Variants in C1QL2 observed in about 807,000 individuals in gnomAD.
The protein encoded by C1QL2 is complement C1q like 2.
In C1QL2, 13 loss-of-function variants were observed where a neutral mutation model predicts 16.6. The ratio of observed to expected loss-of-function variants is 0.78; its 90% CI spans 0.51 to 1.25. C1QL2 has a LOEUF of 1.25. Among genes scored for constraint, C1QL2 ranks in the 50% most tolerant of loss-of-function variants. The probability of loss-of-function intolerance (pLI) is 0.00; values close to 1 mark genes in which losing one functional copy is unlikely to be tolerated. For missense variants in C1QL2, 396 were observed against 409.6 expected (o/e 0.97, Z 0.29); for synonymous variants, 210 against 183.2 (o/e 1.15, Z -1.18).
rs760898156 is a variant in C1QL2, at chr2:119,158,286, A to G, written c.-17T>C. On this transcript the variant is annotated 5_prime_UTR_variant, in exon 1 of 2. Transcript: ENST00000272520. ...GAGCGCCATGGCCAAGAGTACGCCG[A>G]CGGCCGCCAGGCAGGCACGCCGCCG... 2.6e-5 allele frequency: 36 copies of G among 1,400,050 alleles called. No individual in the cohort carries two copies. The South Asian group carries it at 5.7e-4, about 22-fold the overall frequency. 86.7% of individuals were successfully genotyped at this position (1,400,050 alleles called of 1,614,324 possible).
rs1043716826 is a variant in C1QL2, at chr2:119,156,802, C to T, written c.864G>A (p.Ter288=). The T allele has an allele frequency of 4.3e-6, 7 of 1,613,096 alleles. No individual in the cohort carries two copies. The highest frequency in any genetic ancestry group is 5.9e-6 in the Non-Finnish European group (7 of 1,179,468). ...TFSGFLLYPD[*] ...ACCCCGCCTCGCACCCCCCGCGCCCCTAATCCGGGTACAGAAGAAAGCCCG... is the reference window on the plus strand; with the variant it reads ...ACCCCGCCTCGCACCCCCCGCGCCCTTAATCCGGGTACAGAAGAAAGCCCG... The change falls in exon 2 of 2, where the codon TAG becomes TAA. Residue 288 remains the stop codon, a stop_retained_variant. Coordinates refer to ENST00000272520, the MANE Select transcript of C1QL2 (RefSeq NM_182528.4).
chr2:119,156,940 G>A lies in C1QL2; in HGVS notation c.726C>T (p.Tyr242=). 1 of 1,614,050 alleles carries A rather than the reference G, an allele frequency of 6.2e-7. No individual in the cohort carries two copies. The highest frequency in any genetic ancestry group is 8.5e-7 in the Non-Finnish European group (1 of 1,179,936). Residue 242 remains tyrosine, a synonymous_variant, in exon 2 of 2, where the codon TAC becomes TAT. Coordinates refer to ENST00000272520, the MANE Select transcript of C1QL2 (RefSeq NM_182528.4). ...SAIAQDADQN[Y]DYASNSVVLH... is the part of the protein sequence containing the mutation. ...GCACCACGCTGTTACTGGCGTAGTC[G>A]TAGTTCTGGTCGGCGTCCTGTGCAA...
rs1349163984 is a variant in C1QL2 at position 119,156,895 on chromosome 2, G to T, written c.771C>A (p.Asp257Glu). 1.2e-6 allele frequency: 2 copies of T among 1,613,906 alleles called. No homozygotes were observed. Among genetic ancestry groups the T allele is most frequent in the Non-Finnish European group, 8.5e-7 (1 of 1,179,954 alleles). Reference protein sequence around the residue: ...NSVVLHLDSGDEVYVKLDGGK... With the variant: ...NSVVLHLDSGEEVYVKLDGGK... ...CGCCATCCAGCTTCACATACACTTC[G>T]TCCCCTGAATCCAAGTGCAGCACCA... Residue 257 changes from aspartate (D) to glutamate (E), a missense_variant, in exon 2 of 2, where the codon GAC (aspartate) becomes GAA (glutamate). Physicochemically the swap from Asp to Glu is conservative, Grantham distance 45. Coordinates refer to ENST00000272520, the MANE Select transcript of C1QL2 (RefSeq NM_182528.4).
Position 119,156,980 on chromosome 2 carries a change from A to G in C1QL2, c.686T>C (p.Val229Ala). 1 of 1,613,530 alleles carries G rather than the reference A, an allele frequency of 6.2e-7. No homozygotes were observed. The highest frequency in any genetic ancestry group is 1.3e-5 in the African/African-American group (1 of 75,014). Residue 229 changes from valine to alanine, a missense_variant and splice_region_variant, in exon 2 of 2, where the codon GTC becomes GCC. By Grantham distance (64) the Val-to-Ala change is moderately conservative. Coordinates refer to ENST00000272520, the MANE Select transcript of C1QL2 (RefSeq NM_182528.4). ...MWADLCKNGQ[V>A]RASAIAQDAD... ...GTCCTGTGCAATGGCGCTGGCCCGGACCTGGGGACAAGCGGTGGGAGCAGG... is the reference window on the plus strand; with the variant it reads ...GTCCTGTGCAATGGCGCTGGCCCGGGCCTGGGGACAAGCGGTGGGAGCAGG...
Position 119,157,968 on chromosome 2 carries a change from G to T in C1QL2, c.302C>A (p.Pro101His). The T allele has an allele frequency of 1.3e-6, 2 of 1,521,632 alleles. No homozygotes were observed. The highest frequency in any genetic ancestry group is 1.8e-6 in the Non-Finnish European group (2 of 1,135,342). 94.3% of individuals were successfully genotyped at this position (1,521,632 alleles called of 1,614,324 possible). The change falls in exon 1 of 2, where the codon CCC becomes CAC. Residue 101 changes from proline to histidine, a missense_variant. Coordinates refer to ENST00000272520, the MANE Select transcript of C1QL2 (RefSeq NM_182528.4). ...GCCCTTCTCTCCCGGAGGGCCCCTG[G>T]GTCCAGGCGGGCCCGGCTCTCCAGG... ...GPPGEPGPPG[P>H]RGPPGEKGDS...
At position 119,156,882 on chromosome 2, in the gene C1QL2, T is replaced by G; in HGVS notation, c.784A>C (p.Lys262Gln). ...CCGTGAGCCTTCCCGCCATCCAGCT[T>G]CACATACACTTCGTCCCCTGAATCC... ...HLDSGDEVYV[K>Q]LDGGKAHGGN... Residue 262 changes from lysine to glutamine, a missense_variant, in exon 2 of 2, where the codon AAG becomes CAG. Coordinates refer to ENST00000272520, the MANE Select transcript of C1QL2 (RefSeq NM_182528.4). 1 of 1,614,068 alleles carries G rather than the reference T, an allele frequency of 6.2e-7. No individual in the cohort carries two copies. Among genetic ancestry groups the G allele is most frequent in the Non-Finnish European group, 8.5e-7 (1 of 1,179,934 alleles).
Position 119,156,535 on chromosome 2 carries a change from T to G in C1QL2, c.*267A>C. ...GCCCTGCCTGTCCAGTCTAATCAGGTTTGCAAAGTCTGTGCCGCCGCCTCA... is the reference window on the plus strand; with the variant it reads ...GCCCTGCCTGTCCAGTCTAATCAGGGTTGCAAAGTCTGTGCCGCCGCCTCA... On this transcript the variant is annotated 3_prime_UTR_variant, in exon 2 of 2. Transcript: ENST00000272520. 1 of 400,056 alleles carries G rather than the reference T, an allele frequency of 2.5e-6. No homozygotes were observed. Among genetic ancestry groups the G allele is most frequent in the Non-Finnish European group, 4.5e-6 (1 of 221,158 alleles). 24.8% of individuals were successfully genotyped at this position (400,056 alleles called of 1,614,324 possible).
Position 119,158,126 on chromosome 2 carries a change from C to G in C1QL2, c.144G>C (p.Lys48Asn). The change falls in exon 1 of 2, where the codon AAG becomes AAC. Residue 48 changes from lysine to asparagine, a missense_variant. This residue lies in a region of C1QL2 where 353 missense variants were observed against 334.8 expected (regional missense o/e 1.05). Transcript: ENST00000272520. Reference sequence around the variant, plus strand: ...CGGTGCTGGGTCCGGGTGGCTGCGCCTTTGCACCCGGGGGCTCCCCGCCGG... The same window carrying G: ...CGGTGCTGGGTCCGGGTGGCTGCGCGTTTGCACCCGGGGGCTCCCCGCCGG... ...AAPGGEPPGA[K>N]AQPPGPSTAA... 1 of 1,547,902 alleles carries G rather than the reference C, an allele frequency of 6.5e-7. No individual in the cohort carries two copies. Among genetic ancestry groups the G allele is most frequent in the South Asian group, 1.2e-5 (1 of 83,832 alleles).
rs1248204349 is a variant in C1QL2 at position 119,156,754 on chromosome 2, C to A, written c.*48G>T. 6.3e-7 allele frequency: 1 copy of A among 1,585,774 alleles called. No homozygotes were observed. Among genetic ancestry groups the A allele is most frequent in the South Asian group, 1.1e-5 (1 of 87,296 alleles). On this transcript the variant is annotated 3_prime_UTR_variant, in exon 2 of 2. Transcript: ENST00000272520. ...CCTTTGCCAAGGAGCCGCGCCCGGG[C>A]GGAGACCGGGCGGCCTGCAGCCACC...
chr2:119,157,005 G>A (rs779906613), intron 1 of C1QL2, 24 bp from the exon 2 acceptor site: 6 of 1,610,342 alleles, frequency 3.7e-6, no homozygotes, highest in Non-Finnish European at 4.2e-6. Context: ...GTGGGAGCAG[G>A]TGAGCCGGGG....
Position 119,156,993 on chromosome 2 carries a change from C to A in C1QL2, c.685-12G>T. The A allele has an allele frequency of 1.2e-6, 2 of 1,612,734 alleles. No homozygotes were observed. The highest frequency in any genetic ancestry group is 1.7e-6 in the Non-Finnish European group (2 of 1,179,518). ...GCGCTGGCCCGGACCTGGGGACAAGCGGTGGGAGCAGGTGAGCCGGGGCAC... is the reference window on the plus strand; with the variant it reads ...GCGCTGGCCCGGACCTGGGGACAAGAGGTGGGAGCAGGTGAGCCGGGGCAC... On this transcript the variant is annotated splice_polypyrimidine_tract_variant and intron_variant, in intron 1 of 1. Coordinates refer to ENST00000272520, the MANE Select transcript of C1QL2 (RefSeq NM_182528.4).
At chr2:119,157,220 G>T (rs1034099656) in intron 1 of C1QL2, among the ~76,000 whole-genome samples, 2 of 152,206 alleles carry the variant, frequency 1.3e-5, no homozygotes, top group African/African-American at 4.8e-5. Context: ...ACCCAGAGTG[G>T]AAGGGTGGGA....
At chr2:119,157,152 C>G (rs1481596523) in intron 1 of C1QL2, among the ~76,000 whole-genome samples, 171 bp from the exon 2 acceptor site, 1 of 152,236 alleles carries the variant, frequency 6.6e-6, no homozygotes, top group African/African-American at 2.4e-5. Flanking sequence ...CAGGTCCCCC[C>G]TCCTCCTCGC....
chr2:119,157,544 G>C, intron 1 of C1QL2, 42 bp downstream of exon 1: 1 of 1,486,356 alleles, frequency 6.7e-7, no homozygotes, highest in South Asian at 1.2e-5. Flanking sequence ...TCAGGGCGCG[G>C]GCGAGGGTTT....
rs1278197560 is a variant in C1QL2 at position 119,157,857 on chromosome 2, A to AC, written c.412dup (p.Val138GlyfsTer8). 1 of 1,576,132 alleles carries AC rather than the reference A, an allele frequency of 6.3e-7. No homozygotes were observed. The stretch of plus-strand genomic sequence containing the variant: ...CACTTCACCCTCGGAATCGCCACCT[A>AC]CCCCGGCCCCGCCGCCCACCACCCC... On this transcript the variant is annotated frameshift_variant, in exon 1 of 2. Coordinates refer to ENST00000272520, the MANE Select transcript of C1QL2 (RefSeq NM_182528.4). LOFTEE classifies it high-confidence loss of function.
Position 119,157,569 on chromosome 2 carries a change from G to T in C1QL2, c.684+17C>A. 6.2e-7 allele frequency: 1 copy of T among 1,613,150 alleles called. No individual in the cohort carries two copies. The highest frequency in any genetic ancestry group is 8.5e-7 in the Non-Finnish European group (1 of 1,179,752). ...GGCGAGGGTTTACGGGGGCCGGTGA[G>T]TGTAGGGGTCACTGACCTGCCCGTT... On this transcript the variant is annotated intron_variant, in intron 1 of 1. Transcript: ENST00000272520.
At position 119,157,945 on chromosome 2, in the gene C1QL2, C is replaced by A; in HGVS notation, c.325G>T (p.Gly109Cys). Residue 109 changes from glycine to cysteine, a missense_variant, in exon 1 of 2, where the codon GGC (glycine) becomes TGC (cysteine). By Grantham distance (159) the Gly-to-Cys change is radical (BLOSUM62 -3). This residue lies in a region of C1QL2 where 353 missense variants were observed against 334.8 expected (regional missense o/e 1.05). Coordinates refer to ENST00000272520, the MANE Select transcript of C1QL2 (RefSeq NM_182528.4). ...PGPRGPPGEK[G>C]DSGRPGLPGL... Reference sequence around the variant, plus strand: ...GGCAGCCCGGGCCGCCCCGAGTCGCCCTTCTCTCCCGGAGGGCCCCTGGGT... The same window carrying A: ...GGCAGCCCGGGCCGCCCCGAGTCGCACTTCTCTCCCGGAGGGCCCCTGGGT... The A allele has an allele frequency of 6.5e-7, 1 of 1,538,474 alleles. No individual in the cohort carries two copies. Among genetic ancestry groups the A allele is most frequent in the South Asian group, 1.2e-5 (1 of 82,702 alleles).
At position 119,158,361 on chromosome 2, in the gene C1QL2, G is replaced by A. The variant is rs1167044621; in HGVS notation, c.-92C>T. On this transcript the variant is annotated 5_prime_UTR_variant, in exon 1 of 2. Transcript: ENST00000272520. ...CGCCACCAGCTCCTCCTTGCCGCCC[G>A]GGGAGGTAATGGTGGGGCGGCGCGG... 3.5e-6 allele frequency: 4 copies of A among 1,151,562 alleles called. No individual in the cohort carries two copies. Among genetic ancestry groups the A allele is most frequent in the Admixed American group, 4.3e-5 (1 of 23,262 alleles). The allele number at this position is 1,151,562 out of a possible 1,614,324, so 71.3% of individuals were successfully genotyped here. A position where few individuals can be genotyped will look rare whatever the true frequency, so the allele number is the denominator to read the frequency against.
chr2:119,158,584 G>A lies in C1QL2; in HGVS notation c.-315C>T. 2 of 183,266 alleles carry A rather than the reference G, an allele frequency of 1.1e-5. No individual in the cohort carries two copies. The highest frequency in any genetic ancestry group is 2.6e-4 in the East Asian group (2 of 7,696). The allele number at this position is 183,266 out of a possible 1,614,324, so 11.4% of individuals were successfully genotyped here. On this transcript the variant is annotated 5_prime_UTR_variant, in exon 1 of 2. Transcript: ENST00000272520. ...GACGTGGGGCACACAAGACGAATCCGGCGCCCCGAGGGTCCGGCGCCGGCC... is the reference window on the plus strand; with the variant it reads ...GACGTGGGGCACACAAGACGAATCCAGCGCCCCGAGGGTCCGGCGCCGGCC...
Sources: allele counts gnomAD v4.1 joint callset (sites outside exome capture counted in the v4.1 genomes callset), GRCh38; gene constraint gnomAD v4.1.1; regional missense constraint gnomAD v4.1.1; transcripts MANE v1.5; gene names NCBI Gene and HGNC (gene_info 2026-07-23, HGNC 2026-07-21).